ZNF721: variants seen among roughly 807,000 people sequenced by gnomAD.
ZNF721 encodes the protein zinc finger protein 721.
Under a neutral mutation model 2.4 loss-of-function variants are expected in ZNF721, and 2 were observed. The observed-to-expected ratio is 0.82, with a 90% CI of 0.34 to 2.58. The LOEUF is 2.58. Ranked by LOEUF, ZNF721 falls within the 30% of genes most tolerant of loss-of-function variation. The pLI, the probability that ZNF721 is intolerant of heterozygous loss-of-function variation, is 0.11. For missense variants in ZNF721, 1,187 were observed against 1,085.5 expected (o/e 1.09, Z -1.31); for synonymous variants, 398 against 381.8 (o/e 1.04, Z -0.50).
chr4:468,671 T>G (rs1231519081), intron 2 of ZNF721, among the ~76,000 whole-genome samples: 1 of 152,308 alleles, frequency 6.6e-6, no homozygotes, highest in East Asian at 1.9e-4. Context: ...AGCAGCACCC[T>G]TGAGACTCAG....
rs187975339 is a variant in ZNF721 at position 481,185 on chromosome 4, G to A, written c.-93-8484C>T. Among the ~76,000 whole-genome samples, 209 of 152,238 alleles carry A rather than the reference G, an allele frequency of 1.4e-3. 2 individuals are homozygous for A. The highest frequency in any genetic ancestry group is 4.6e-3 in the African/African-American group (193 of 41,528). ...AATTATCCTATCTCAACCTCCCAAA[G>A]TGTTGGAATTACAGGCCAGAGCCAC... On this transcript the variant is annotated intron_variant, in intron 1 of 2. Coordinates refer to ENST00000511833, the MANE Select transcript of ZNF721 (RefSeq NM_133474.4).
chr4:497,899 AAAAC>A (rs1446074988), intron 1 of ZNF721, among the ~76,000 whole-genome samples: 1 of 144,686 alleles, frequency 6.9e-6, no homozygotes, highest in African/African-American at 2.5e-5. Context: ...CTCCGTCTCA[AAAAC>A]AAACCAACAA....
At position 443,924 on chromosome 4, in the gene ZNF721, A is replaced by G. The variant is rs781795838; in HGVS notation, c.543T>C (p.Thr181=). Residue 181 remains threonine, a synonymous_variant, in exon 3 of 3, where the codon ACT becomes ACC. Coordinates refer to ENST00000511833, the MANE Select transcript of ZNF721 (RefSeq NM_133474.4). ...GKAFNRSTNL[T]AHKRIHNREK... The stretch of plus-strand genomic sequence containing the variant: ...CTCTGTTGTGAATTCTCTTATGTGC[A>G]GTAAGGTTTGTTGACCTATTAAAGG... 5.0e-6 allele frequency: 8 copies of G among 1,614,078 alleles called. No individual in the cohort carries two copies. In the Admixed American group the frequency reaches 1.3e-4, roughly 27 times the overall value.
intron 1 of ZNF721, among the ~76,000 whole-genome samples, chr4:494,754 G>C (rs573154096): frequency 6.6e-6 from 1 of 152,252 alleles, no homozygotes; most frequent in South Asian, 2.1e-4. Context: ...TCATAGGATT[G>C]TATAAGGAGA....
chr4:477,815 T>C lies in ZNF721; in HGVS notation c.-93-5114A>G, dbSNP rs1715671174. 3.3e-5 allele frequency among the ~76,000 whole-genome samples: 5 copies of C among 152,192 alleles called. 1 individual carries two copies. In the South Asian group the frequency reaches 1.0e-3, roughly 32 times the overall value. ...AAGAGATATGCGGGCACAATAAATA[T>C]GGATTTGACCGCTATATGACCTTCC... On this transcript the variant is annotated intron_variant, in intron 1 of 2. Coordinates refer to ENST00000511833, the MANE Select transcript of ZNF721 (RefSeq NM_133474.4).
chr4:461,339 C>T (rs371322211), intron 2 of ZNF721, among the ~76,000 whole-genome samples: 5 of 152,142 alleles, frequency 3.3e-5, no homozygotes, highest in African/African-American at 1.2e-4. Context: ...ATAAACAGAA[C>T]CGATGACAAA....
chr4:495,559 G>A (rs1256835132), intron 1 of ZNF721, among the ~76,000 whole-genome samples: 1 of 150,630 alleles, frequency 6.6e-6, no homozygotes, highest in Non-Finnish European at 1.5e-5. Flanking sequence ...AGACAGAGAA[G>A]GAAAAATAAT....
chr4:495,137 C>T (rs2108726169), intron 1 of ZNF721, among the ~76,000 whole-genome samples: 1 of 152,078 alleles, frequency 6.6e-6, no homozygotes. Flanking sequence ...CCACCTTGGC[C>T]TGCCAAAGTG....
At position 442,507 on chromosome 4, in the gene ZNF721, T is replaced by C. The variant is rs80296829; in HGVS notation, c.1960A>G (p.Thr654Ala). ...EECGKAFAPS[T>A]DLNQHTKILT... The stretch of plus-strand genomic sequence containing the variant: ...ATTTTCGTGTGTTGATTCAGGTCTG[T>C]TGATGGGGCAAAGGCTTTGCCACAC... The change falls in exon 3 of 3, where the codon ACA (threonine) becomes GCA (alanine). Residue 654 changes from threonine (T) to alanine (A), a missense_variant. Transcript: ENST00000511833. The C allele has an allele frequency of 8.3e-3, 13,388 of 1,613,632 alleles. 72 individuals are homozygous for C. The highest frequency in any genetic ancestry group is 0.01 in the Non-Finnish European group (11,842 of 1,179,820).
intron 2 of ZNF721, among the ~76,000 whole-genome samples, chr4:450,519 A>G (rs189844259): frequency 6.6e-6 from 1 of 152,318 alleles, no homozygotes; most frequent in Non-Finnish European, 1.5e-5. Flanking sequence ...CAGTTTTTGA[A>G]TATAACATCA....
intron 1 of ZNF721, 121 bp from the exon 2 acceptor site, chr4:472,822 A>T (rs1250904477): frequency 2.3e-6 from 3 of 1,330,452 alleles, no homozygotes; most frequent in Non-Finnish European, 2.1e-6. Context: ...CTTTCAACAC[A>T]GTAATGTTCT....
chr4:453,126 C>T lies in ZNF721; in HGVS notation c.35-8694G>A, dbSNP rs141105210. ...CACCAAATACACTGGTGGCACTCGA[C>T]GCTAGAAGGCCGTGGCTTACAGTCC... On this transcript the variant is annotated intron_variant, in intron 2 of 2. Transcript: ENST00000511833. 1.3e-4 allele frequency among the ~76,000 whole-genome samples: 20 copies of T among 152,310 alleles called. No individual in the cohort carries two copies. The East Asian group carries it at 1.4e-3, about 10-fold the overall frequency.
intron 2 of ZNF721, among the ~76,000 whole-genome samples, chr4:469,427 CAAT>C (rs1160248614): frequency 6.6e-6 from 1 of 151,914 alleles, no homozygotes; most frequent in South Asian, 2.1e-4. Flanking sequence ...ACACTAAATA[CAAT>C]AATGACAGAA....
chr4:487,374 G>A (rs761550216), intron 1 of ZNF721, among the ~76,000 whole-genome samples: 1 of 152,126 alleles, frequency 6.6e-6, no homozygotes, highest in Non-Finnish European at 1.5e-5. Context: ...AAGCCAAAGT[G>A]CCTCAGTTTA....
intron 1 of ZNF721, among the ~76,000 whole-genome samples, chr4:486,750 C>G (rs530749737): frequency 6.6e-6 from 1 of 152,292 alleles, no homozygotes; most frequent in African/African-American, 2.4e-5. Flanking sequence ...TTTCAAATTT[C>G]TCCTATGATA....
chr4:466,426 C>G (rs1715253467), intron 2 of ZNF721, among the ~76,000 whole-genome samples: 1 of 152,208 alleles, frequency 6.6e-6, no homozygotes, highest in Admixed American at 6.5e-5. Context: ...GCTTTGAACT[C>G]TGATTATCAG....
chr4:464,893 C>T (rs757995853), intron 2 of ZNF721, among the ~76,000 whole-genome samples: 1 of 150,624 alleles, frequency 6.6e-6, no homozygotes, highest in Non-Finnish European at 1.5e-5. Flanking sequence ...TCATGGCTAA[C>T]ACAGTGAAAC....
intron 1 of ZNF721, among the ~76,000 whole-genome samples, chr4:492,868 T>G (rs552037860): frequency 1.3e-5 from 2 of 151,776 alleles, no homozygotes; most frequent in African/African-American, 4.8e-5. Flanking sequence ...TTCTTTTACC[T>G]TGTTTTACAC....
chr4:471,744 C>T (rs1715442529), intron 2 of ZNF721, among the ~76,000 whole-genome samples: 1 of 150,790 alleles, frequency 6.6e-6, no homozygotes, highest in Non-Finnish European at 1.5e-5. Flanking sequence ...CTTAAGTGTT[C>T]TTATTACCAA....
Sources: allele counts gnomAD v4.1 joint callset (sites outside exome capture counted in the v4.1 genomes callset), GRCh38; gene constraint gnomAD v4.1.1; transcripts MANE v1.5; gene names NCBI Gene and HGNC (gene_info 2026-07-23, HGNC 2026-07-21).